The following MAP3K7 variants were observed in gnomAD, a reference collection of about 807,000 sequenced individuals.
The protein encoded by MAP3K7 is mitogen-activated protein kinase kinase kinase 7.
A neutral mutation model predicts 84.8 loss-of-function variants in MAP3K7; 21 were observed. The observed-to-expected ratio is 0.25, with a 90% CI of 0.18 to 0.36. MAP3K7 has a LOEUF of 0.36. Among genes scored for constraint, MAP3K7 ranks in the 10% least tolerant of loss-of-function variants. MAP3K7 has a pLI of 1.00. For missense variants in MAP3K7, 503 were observed against 747.7 expected (o/e 0.67, Z 3.82); for synonymous variants, 241 against 247.7 (o/e 0.97, Z 0.25).
At chr6:90,558,422 G>T (rs543859030) in intron 5 of MAP3K7, among the ~76,000 whole-genome samples, 7 of 152,148 alleles carry the variant, frequency 4.6e-5, no homozygotes, top group African/African-American at 1.7e-4. Context: ...CCATTCCAAA[G>T]AATTTCTTTT....
intron 12 of MAP3K7, among the ~76,000 whole-genome samples, chr6:90,539,437 C>T (rs1184700949): frequency 6.6e-6 from 1 of 151,702 alleles, no homozygotes; most frequent in Non-Finnish European, 1.5e-5. Flanking sequence ...AGTATAGCAC[C>T]CCTTAGCCCT....
rs1562075297 is a variant in MAP3K7, at chr6:90,519,180, A to G, written c.1524+78T>C. The G allele has an allele frequency of 2.5e-5, 22 of 890,894 alleles. No homozygotes were observed. In the South Asian group the frequency reaches 3.0e-4, roughly 12 times the overall value. The allele number at this position is 890,894 out of a possible 1,614,324, so 55.2% of individuals were successfully genotyped here. ...TAAATTAAGGAGTGACTATACAATGACAGGTAGCAACACAATTGTCAACTT... is the reference window on the plus strand; with the variant it reads ...TAAATTAAGGAGTGACTATACAATGGCAGGTAGCAACACAATTGTCAACTT... On this transcript the variant is annotated intron_variant, in intron 15 of 16. Coordinates refer to ENST00000369329, the MANE Select transcript of MAP3K7 (RefSeq NM_145331.3).
intron 1 of MAP3K7, among the ~76,000 whole-genome samples, chr6:90,576,877 A>C (rs533837062): frequency 1.3e-5 from 2 of 152,274 alleles, no homozygotes; most frequent in South Asian, 4.1e-4. Flanking sequence ...GTAAGGCTGG[A>C]GGGACAGGCA....
At chr6:90,548,864 T>G (rs1425822162) in intron 9 of MAP3K7, among the ~76,000 whole-genome samples, 1 of 151,220 alleles carries the variant, frequency 6.6e-6, no homozygotes, top group Non-Finnish European at 1.5e-5. Context: ...TTAGGTCAAG[T>G]GCTACTGAGA....
Position 90,544,597 on chromosome 6 carries a change from C to A in MAP3K7, c.1246G>T (p.Ala416Ser), listed in dbSNP as rs1775945556. The A allele has an allele frequency of 6.2e-7, 1 of 1,612,516 alleles. No homozygotes were observed. The highest frequency in any genetic ancestry group is 8.5e-7 in the Non-Finnish European group (1 of 1,178,916). Residue 416 changes from alanine to serine, a missense_variant, in exon 12 of 17, where the codon GCT becomes TCT. This residue lies in a region of MAP3K7 where 286 missense variants were observed against 313.6 expected (regional missense o/e 0.91). Coordinates refer to ENST00000369329, the MANE Select transcript of MAP3K7 (RefSeq NM_145331.3). Reference protein sequence around the residue: ...SKPKRGHRKTASFGNILDVPE... With the variant: ...SKPKRGHRKTSSFGNILDVPE... ...ACATCCAGAATGTTGCCAAATGAAG[C>A]AGTTTTACGGTGGCCCCGTTTAGGC...
intron 14 of MAP3K7, among the ~76,000 whole-genome samples, chr6:90,521,006 G>C (rs1318783219): frequency 2.0e-5 from 3 of 151,766 alleles, no homozygotes; most frequent in Non-Finnish European, 4.4e-5. Context: ...ATGTATTTTA[G>C]AATTAAGCTT....
chr6:90,530,464 T>C (rs1775472518), intron 13 of MAP3K7, among the ~76,000 whole-genome samples: 1 of 152,204 alleles, frequency 6.6e-6, no homozygotes, highest in Non-Finnish European at 1.5e-5. Flanking sequence ...CTTTTCACCT[T>C]CTACTTTCCA....
chr6:90,585,110 A>G (rs936080394), intron 1 of MAP3K7, among the ~76,000 whole-genome samples: 39 of 152,192 alleles, frequency 2.6e-4, no homozygotes, highest in African/African-American at 8.7e-4. Flanking sequence ...TCTGTTATGC[A>G]GATAAAATGA....
intron 3 of MAP3K7, among the ~76,000 whole-genome samples, chr6:90,566,339 A>G (rs1776703932): frequency 6.6e-6 from 1 of 152,242 alleles, no homozygotes; most frequent in African/African-American, 2.4e-5. Flanking sequence ...AAATCTCCTT[A>G]AGCTGATAAG....
Position 90,547,742 on chromosome 6 carries a change from C to G in MAP3K7, c.1080+305G>C, listed in dbSNP as rs531701683. 5.9e-5 allele frequency among the ~76,000 whole-genome samples: 9 copies of G among 152,272 alleles called. No individual in the cohort carries two copies. The East Asian group carries it at 1.2e-3, about 20-fold the overall frequency. ...AAATGATAGACTTAGAACAACTCCTCTAACTGGGCAGCGCAGCCAAAATAT... is the reference window on the plus strand; with the variant it reads ...AAATGATAGACTTAGAACAACTCCTGTAACTGGGCAGCGCAGCCAAAATAT... On this transcript the variant is annotated intron_variant, in intron 10 of 16. Transcript: ENST00000369329.
intron 16 of MAP3K7, 46 bp downstream of exon 16, chr6:90,518,401 C>A: frequency 2.0e-6 from 2 of 993,606 alleles, no homozygotes; most frequent in South Asian, 1.5e-5. Flanking sequence ...ATTTTAAACT[C>A]AAAATACTAA....
rs189852521 is a variant in MAP3K7, at chr6:90,560,324, A to G, written c.344-110T>C. 54 of 1,058,512 alleles carry G rather than the reference A, an allele frequency of 5.1e-5. No individual in the cohort carries two copies. The Admixed American group carries it at 8.0e-4, about 16-fold the overall frequency. 65.6% of individuals were successfully genotyped at this position (1,058,512 alleles called of 1,614,324 possible). A position where few individuals can be genotyped will look rare whatever the true frequency, so the allele number is the denominator to read the frequency against. ...TGACTGGGTATTTTTCTACATATAC[A>G]TATGCTCCATCAGTCCTGCTTTTAA... On this transcript the variant is annotated intron_variant, in intron 4 of 16. Transcript: ENST00000369329.
At chr6:90,562,517 C>T (rs994170513) in intron 3 of MAP3K7, among the ~76,000 whole-genome samples, 37 of 152,190 alleles carry the variant, frequency 2.4e-4, no homozygotes, top group Middle Eastern at 6.3e-3. Context: ...GCGGCAGCGA[C>T]GCTGGGAGAG....
At chr6:90,537,343 G>A (rs1042858290) in intron 12 of MAP3K7, 43 of 152,106 alleles carry the variant, frequency 2.8e-4, no homozygotes, top group African/African-American at 1.0e-3. Context: ...TCTAATTGTA[G>A]TTTCCCGATT....
At chr6:90,537,249 T>TA (rs1400591199) in intron 12 of MAP3K7, 1 of 151,980 alleles carries the variant, frequency 6.6e-6, no homozygotes, top group African/African-American at 2.4e-5. Flanking sequence ...TAACAGCTGA[T>TA]ACAATACTCA....
At chr6:90,558,480 T>C (rs1776406649) in intron 5 of MAP3K7, among the ~76,000 whole-genome samples, 1 of 152,172 alleles carries the variant, frequency 6.6e-6, no homozygotes, top group Non-Finnish European at 1.5e-5. Context: ...AAAGTCCAAC[T>C]TGTATACCAG....
At chr6:90,564,563 C>T (rs1776636307) in intron 3 of MAP3K7, among the ~76,000 whole-genome samples, 1 of 152,166 alleles carries the variant, frequency 6.6e-6, no homozygotes, top group Admixed American at 6.5e-5. Flanking sequence ...CACCCAGATT[C>T]ATAAAGCAAG....
At chr6:90,527,054 A>G (rs886425508) in intron 13 of MAP3K7, among the ~76,000 whole-genome samples, 10 of 152,234 alleles carry the variant, frequency 6.6e-5, no homozygotes, top group Admixed American at 5.9e-4. Context: ...AACCATTTAA[A>G]AAGTTTAGTT....
chr6:90,548,694 C>T (rs1000116004), intron 9 of MAP3K7, among the ~76,000 whole-genome samples: 1 of 151,134 alleles, frequency 6.6e-6, no homozygotes, highest in Non-Finnish European at 1.5e-5. Flanking sequence ...AATGAGCAGG[C>T]CCTGGGCACT....
Sources: allele counts gnomAD v4.1 joint callset (sites outside exome capture counted in the v4.1 genomes callset), GRCh38; gene constraint gnomAD v4.1.1; regional missense constraint gnomAD v4.1.1; transcripts MANE v1.5; gene names NCBI Gene and HGNC (gene_info 2026-07-23, HGNC 2026-07-21).